The following PTGES3 variants were observed in gnomAD, a reference collection of about 807,000 sequenced individuals.
PTGES3 encodes prostaglandin E synthase 3, also known as Hsp90 co-chaperone.
In PTGES3, 5 loss-of-function variants were observed where a neutral mutation model predicts 29.9. The observed-to-expected ratio is 0.17, with a 90% CI of 0.09 to 0.35. The LOEUF is 0.35. PTGES3 is among the 10% of genes least tolerant of loss of function. The probability of loss-of-function intolerance (pLI) is 1.00; values close to 1 mark genes in which losing one functional copy is unlikely to be tolerated. For missense variants in PTGES3, 128 were observed against 190.0 expected (o/e 0.67, Z 1.92); for synonymous variants, 49 against 57.8 (o/e 0.85, Z 0.69).
rs61939901 is a variant in PTGES3, at chr12:56,677,249, A to C, written c.3-4184T>G. 5.9e-5 allele frequency among the ~76,000 whole-genome samples: 7 copies of C among 119,390 alleles called. 2 individuals are homozygous for C. The highest frequency in any genetic ancestry group is 2.7e-4 in the South Asian group (1 of 3,750). 78.3% of individuals were successfully genotyped at this position (119,390 alleles called of 152,430 possible). A position where few individuals can be genotyped will look rare whatever the true frequency, so the allele number is the denominator to read the frequency against. On this transcript the variant is annotated intron_variant, in intron 1 of 7. Transcript: ENST00000262033. ...GTGAGACTCCTTCTCCGCACCACCC[A>C]AAAAAAAAAAAAAAAGTGCTACATT...
chr12:56,671,146 C>G (rs1367592040), intron 4 of PTGES3, among the ~76,000 whole-genome samples: 1 of 152,036 alleles, frequency 6.6e-6, no homozygotes, highest in African/African-American at 2.4e-5. Context: ...TGCCTGTAGT[C>G]CCAGCACTTT....
chr12:56,672,275 A>ATG (rs1952034331), intron 3 of PTGES3, among the ~76,000 whole-genome samples: 1 of 152,128 alleles, frequency 6.6e-6, no homozygotes, highest in African/African-American at 2.4e-5. Context: ...AGGCCGAGGC[A>ATG]GGTGGAACAC....
chr12:56,682,736 A>AAAAAAAAG (rs61165567), intron 1 of PTGES3, among the ~76,000 whole-genome samples: 1 of 149,860 alleles, frequency 6.7e-6, no homozygotes. Context: ...AAAAAAAAAA[A>AAAAAAAAG]GGCCGGGCGT....
chr12:56,664,805 AAG>A lies in PTGES3; in HGVS notation c.439-7_439-6del, dbSNP rs1260763965. 1 of 1,598,206 alleles carries A rather than the reference AAG, an allele frequency of 6.3e-7. No homozygotes were observed. Among genetic ancestry groups the A allele is most frequent in the African/African-American group, 1.3e-5 (1 of 74,304 alleles). On this transcript the variant is annotated splice_region_variant and splice_polypyrimidine_tract_variant and intron_variant, in intron 6 of 7. Transcript: ENST00000262033. ...ATCATCACTGTCTTGTGAATCCTGAAAGAGGGAAAATAAAGTTACCGAGCTGA... is the reference window on the plus strand; with the variant it reads ...ATCATCACTGTCTTGTGAATCCTGAAAGGGAAAATAAAGTTACCGAGCTGA...
At chr12:56,664,917 C>CA in intron 6 of PTGES3, 117 bp from the exon 7 acceptor site, 2 of 1,451,286 alleles carry the variant, frequency 1.4e-6, no homozygotes, top group Non-Finnish European at 1.8e-6. Context: ...GGTAGGTAGT[C>CA]ATATCAAGCC....
In PTGES3 at chr12:56,664,784, T is replaced by A; in HGVS notation, c.455A>T (p.Asp152Val). 6.3e-7 allele frequency: 1 copy of A among 1,597,788 alleles called. No individual in the cohort carries two copies. The highest frequency in any genetic ancestry group is 8.6e-7 in the Non-Finnish European group (1 of 1,168,538). The change falls in exon 7 of 8, where the codon GAT becomes GTT. Residue 152 changes from aspartate (D) to valine (V), a missense_variant. Physicochemically the swap from Asp to Val is radical, Grantham distance 152. Transcript: ENST00000262033. ...TTTTTATATACACTTACTTTCATCA[T>A]CACTGTCTTGTGAATCCTGAAAGAG... ...DGADDDSQDS[D>V]DEKMPDLE is the part of the protein sequence containing the mutation.
At position 56,670,341 on chromosome 12, in the gene PTGES3, G is replaced by A. The variant is rs770965046; in HGVS notation, c.309C>T (p.Phe103=). ...CATCTTCCCAGTCTTTCCAATTATT[G>A]AAGTCGACACTAAGCCAATTAAGCT... ...RAKLNWLSVD[F]NNWKDWEDDS... is the part of the protein sequence containing the mutation. Residue 103 remains phenylalanine (F), a synonymous_variant, in exon 5 of 8, where the codon TTC becomes TTT. Coordinates refer to ENST00000262033, the MANE Select transcript of PTGES3 (RefSeq NM_006601.7). The A allele has an allele frequency of 1.9e-6, 3 of 1,612,614 alleles. No individual in the cohort carries two copies. The highest frequency in any genetic ancestry group is 1.3e-5 in the African/African-American group (1 of 75,002).
chr12:56,676,906 G>A (rs1442193502), intron 1 of PTGES3, among the ~76,000 whole-genome samples: 1 of 111,588 alleles, frequency 9.0e-6, no homozygotes, highest in Non-Finnish European at 1.7e-5. Flanking sequence ...GGGTGAGAGA[G>A]TGAGATTCCG....
At chr12:56,687,307 G>A in intron 1 of PTGES3, 3 of 990,296 alleles carry the variant, frequency 3.0e-6, no homozygotes, top group South Asian at 9.4e-5. Flanking sequence ...CGACACGTGC[G>A]GAACTACCTG....
rs1951690933 is a variant in PTGES3, at chr12:56,663,736, T to G, written c.*743A>C. ...AAAAAATCCAATAGTGTATTAAACA[T>G]TTTTCACTCATTTGCCATACTGACA... On this transcript the variant is annotated 3_prime_UTR_variant, in exon 8 of 8. Transcript: ENST00000262033. 6.8e-6 allele frequency: 1 copy of G among 146,342 alleles called. No individual in the cohort carries two copies. 9.1% of individuals were successfully genotyped at this position (146,342 alleles called of 1,614,324 possible).
intron 6 of PTGES3, 135 bp from the exon 7 acceptor site, chr12:56,664,935 T>A: frequency 7.0e-7 from 1 of 1,420,298 alleles, no homozygotes; most frequent in Non-Finnish European, 9.2e-7. Flanking sequence ...GCCTAGAAAT[T>A]TAGTCATTGG....
chr12:56,665,108 A>C, intron 6 of PTGES3: 2 of 985,280 alleles, frequency 2.0e-6, no homozygotes, highest in South Asian at 9.4e-5. Context: ...CAATATGAAG[A>C]AAAATGGACT....
chr12:56,677,406 T>C (rs1388945421), intron 1 of PTGES3, among the ~76,000 whole-genome samples: 1 of 152,128 alleles, frequency 6.6e-6, no homozygotes, highest in East Asian at 1.9e-4. Context: ...CTGAGGAGTT[T>C]TGTTGTGCTC....
At chr12:56,687,790 GTTCAGGGGT>G in intron 1 of PTGES3, 199 bp downstream of exon 1, 1 of 1,427,844 alleles carries the variant, frequency 7.0e-7, no homozygotes, top group Non-Finnish European at 9.1e-7. Flanking sequence ...CCAAGGAACG[GTTCAGGGGT>G]GGGGGAAGCA....
intron 1 of PTGES3, among the ~76,000 whole-genome samples, chr12:56,683,828 G>C (rs562628414): frequency 2.0e-5 from 3 of 150,536 alleles, no homozygotes; most frequent in African/African-American, 7.3e-5. Flanking sequence ...GCGAGGTGGC[G>C]GGTGCCTGTA....
intron 1 of PTGES3, among the ~76,000 whole-genome samples, chr12:56,675,270 A>G (rs1952183513): frequency 6.6e-6 from 1 of 151,960 alleles, no homozygotes; most frequent in Non-Finnish European, 1.5e-5. Flanking sequence ...ACTGCACTCT[A>G]GTCTGGGTGA....
intron 1 of PTGES3, among the ~76,000 whole-genome samples, chr12:56,686,699 C>T (rs1291694774): frequency 1.3e-5 from 2 of 152,060 alleles, no homozygotes; most frequent in Non-Finnish European, 2.9e-5. Context: ...TTTAAAACCC[C>T]GATTACGTAT....
In PTGES3 at chr12:56,664,517, A is replaced by T. The variant is rs956014227; in HGVS notation, c.464-19T>A. On this transcript the variant is annotated intron_variant, in intron 7 of 7. Transcript: ENST00000262033. Reference sequence around the variant, plus strand: ...GGCATTTCTGAAAGAATTTTTAAAAATATTAGTATATAGTACAAGTGAATA... The same window carrying T: ...GGCATTTCTGAAAGAATTTTTAAAATTATTAGTATATAGTACAAGTGAATA... The T allele has an allele frequency of 6.3e-7, 1 of 1,592,048 alleles. No individual in the cohort carries two copies. Among genetic ancestry groups the T allele is most frequent in the Non-Finnish European group, 8.6e-7 (1 of 1,164,454 alleles).
chr12:56,665,638 A>G, intron 6 of PTGES3: 1 of 983,966 alleles, frequency 1.0e-6, no homozygotes. Context: ...ATACCTATAA[A>G]CTGACTCTCT....
Sources: allele counts gnomAD v4.1 joint callset (sites outside exome capture counted in the v4.1 genomes callset), GRCh38; gene constraint gnomAD v4.1.1; transcripts MANE v1.5; gene names NCBI Gene and HGNC (gene_info 2026-07-23, HGNC 2026-07-21).